The following CTNNA2 variants were observed in gnomAD, a reference collection of about 807,000 sequenced individuals.
CTNNA2 encodes catenin alpha-2.
Under a neutral mutation model 101.0 loss-of-function variants are expected in CTNNA2, and 42 were observed. The ratio of observed to expected loss-of-function variants is 0.42; its 90% confidence interval spans 0.32 to 0.54. The LOEUF is 0.54. CTNNA2 is among the 20% of genes least tolerant of loss of function. CTNNA2 has a pLI of 0.14. For missense variants in CTNNA2, 871 were observed against 1,223.1 expected (o/e 0.71, Z 4.29); for synonymous variants, 450 against 456.4 (o/e 0.99, Z 0.18).
At chr2:79,308,508 T>C (rs980623263) in intron 2 of CTNNA2, among the ~76,000 whole-genome samples, 2 of 152,226 alleles carry the variant, frequency 1.3e-5, no homozygotes, top group Admixed American at 6.5e-5. Flanking sequence ...TTTAGCTTGA[T>C]ATATTCCCAT....
At chr2:80,036,856 A>T (rs62141401) in intron 7 of CTNNA2, among the ~76,000 whole-genome samples, 6,706 of 143,796 alleles carry the variant, frequency 0.047, 218 homozygotes, top group South Asian at 0.21. Context: ...TGTGAGAGAG[A>T]GAGAGAGAGA....
chr2:80,215,764 G>A (rs111695688), intron 7 of CTNNA2, among the ~76,000 whole-genome samples: 4,465 of 152,192 alleles, frequency 0.029, 233 homozygotes, highest in African/African-American at 0.1. Context: ...CTCTGTGCTG[G>A]GAGAACCACT....
chr2:79,346,124 C>G (rs1373542183), intron 3 of CTNNA2, among the ~76,000 whole-genome samples: 1 of 152,078 alleles, frequency 6.6e-6, no homozygotes, highest in Non-Finnish European at 1.5e-5. Flanking sequence ...AATAAAGTGA[C>G]AGTAGACTGT....
intron 7 of CTNNA2, among the ~76,000 whole-genome samples, chr2:79,931,524 T>C (rs1477673451): frequency 6.6e-6 from 1 of 152,168 alleles, no homozygotes; most frequent in African/African-American, 2.4e-5. Context: ...GGACTAGCAC[T>C]AGTCTGTAAG....
intron 2 of CTNNA2, among the ~76,000 whole-genome samples, chr2:79,261,827 A>AC (rs1452864256): frequency 6.6e-6 from 1 of 152,232 alleles, no homozygotes; most frequent in African/African-American, 2.4e-5. Flanking sequence ...ACAATTAACA[A>AC]AAGGTGAAAG....
At chr2:80,477,727 ATGTGTGTGTGTGTG>A (rs35938297) in intron 9 of CTNNA2, among the ~76,000 whole-genome samples, 8 of 143,802 alleles carry the variant, frequency 5.6e-5, no homozygotes, top group Non-Finnish European at 1.2e-4. Flanking sequence ...CATGGTGTGA[ATGTGTGTGTGTGTG>A]TGTGTGTGTG....
At chr2:79,759,067 A>G (rs1236420352) in intron 3 of CTNNA2, among the ~76,000 whole-genome samples, 2 of 152,212 alleles carry the variant, frequency 1.3e-5, no homozygotes, top group African/African-American at 4.8e-5. Flanking sequence ...ATTAATCATT[A>G]GAAAGTGGTA....
chr2:79,227,404 A>G (rs1022955965), intron 2 of CTNNA2, among the ~76,000 whole-genome samples: 22 of 152,310 alleles, frequency 1.4e-4, no homozygotes, highest in African/African-American at 5.3e-4. Flanking sequence ...TGCAATGGCG[A>G]TATTCATTTC....
At chr2:79,982,268 C>CAT (rs373827523) in intron 7 of CTNNA2, among the ~76,000 whole-genome samples, 52,906 of 108,918 alleles carry the variant, frequency 0.49, 12,680 homozygotes, top group Non-Finnish European at 0.52. Flanking sequence ...ACACACATAA[C>CAT]ATATATATAA....
chr2:80,528,227 G>A (rs1168751754), intron 9 of CTNNA2, among the ~76,000 whole-genome samples: 6 of 152,102 alleles, frequency 3.9e-5, no homozygotes, highest in Admixed American at 3.3e-4. Context: ...ATGGAGTCTC[G>A]CTCAGTCGCC....
intron 4 of CTNNA2, among the ~76,000 whole-genome samples, chr2:79,446,067 T>G (rs1678829809): frequency 2.0e-5 from 3 of 152,050 alleles, no homozygotes; most frequent in Admixed American, 2.0e-4. Context: ...AGTTCAAATC[T>G]CAGATCAGTC....
intron 7 of CTNNA2, among the ~76,000 whole-genome samples, chr2:80,035,208 T>A (rs1056453358): frequency 6.6e-6 from 1 of 152,152 alleles, no homozygotes; most frequent in Non-Finnish European, 1.5e-5. Context: ...GACTTTTGTG[T>A]TACAAAGGGA....
chr2:79,393,137 A>G (rs1426592135), intron 4 of CTNNA2, among the ~76,000 whole-genome samples: 2 of 152,204 alleles, frequency 1.3e-5, no homozygotes, highest in Non-Finnish European at 2.9e-5. Context: ...GGTTGGGACC[A>G]GTAGAAAGGT....
intron 12 of CTNNA2, among the ~76,000 whole-genome samples, chr2:80,562,174 T>C (rs185361261): frequency 5.9e-5 from 8 of 134,882 alleles, no homozygotes; most frequent in Admixed American, 3.1e-4. Flanking sequence ...GTATTTTCAT[T>C]CAGACAGGGT....
intron 2 of CTNNA2, among the ~76,000 whole-genome samples, chr2:79,660,286 T>A (rs1006373456): frequency 1.3e-5 from 2 of 149,702 alleles, no homozygotes; most frequent in African/African-American, 2.4e-5. Context: ...TGTATGTGTA[T>A]CCATATGTAT....
chr2:79,436,637 C>CTT lies in CTNNA2; in HGVS notation c.-135+62635_-135+62636dup, dbSNP rs113274961. 7.9e-3 allele frequency among the ~76,000 whole-genome samples: 1,158 copies of CTT among 146,696 alleles called. 8 individuals carry two copies. The highest frequency in any genetic ancestry group is 0.023 in the African/African-American group (930 of 39,952). The stretch of plus-strand genomic sequence containing the variant: ...AGCAGGGGTACCTTGATTAAATATT[C>CTT]TTTTTTTTTTTTGAGGCAGAGTCTT... On this transcript the variant is annotated intron_variant, in intron 4 of 21. Coordinates refer to the CTNNA2 transcript ENST00000466387.
At chr2:80,254,249 A>G (rs1573521214) in intron 7 of CTNNA2, among the ~76,000 whole-genome samples, 1 of 152,214 alleles carries the variant, frequency 6.6e-6, no homozygotes, top group South Asian at 2.1e-4. Context: ...TGACTCATAT[A>G]TTATGTGCAT....
chr2:79,381,649 T>A (rs991578516), intron 4 of CTNNA2, among the ~76,000 whole-genome samples: 1 of 152,214 alleles, frequency 6.6e-6, no homozygotes, highest in Non-Finnish European at 1.5e-5. Context: ...CATACCTCAA[T>A]TGAGGAACTG....
At chr2:80,118,663 C>G (rs796676359) in intron 7 of CTNNA2, among the ~76,000 whole-genome samples, 19 of 152,338 alleles carry the variant, frequency 1.2e-4, no homozygotes, top group African/African-American at 4.6e-4. Context: ...TCATGATCCT[C>G]TTTAACAAAG....
Sources: gnomAD v4.1 joint callset for allele counts (sites outside exome capture counted in the v4.1 genomes callset) on GRCh38, gnomAD v4.1.1 for gene constraint, MANE v1.5 for transcripts, NCBI Gene and HGNC (gene_info 2026-07-23, HGNC 2026-07-21) for gene names.